KIAA1958: variants seen among roughly 807,000 people sequenced by gnomAD.
KIAA1958 encodes KIAA1958.
Under a neutral mutation model 47.2 loss-of-function variants are expected in KIAA1958, and 14 were observed. The observed-to-expected ratio is 0.30, with a 90% CI of 0.20 to 0.46. KIAA1958 has a LOEUF of 0.46. KIAA1958 is among the 20% of genes least tolerant of loss of function. The pLI, the probability that KIAA1958 is intolerant of heterozygous loss-of-function variation, is 1.00. For synonymous variants in KIAA1958, 354 were observed against 353.3 expected (o/e 1.00, Z -0.02); for missense variants, 803 against 909.2 (o/e 0.88, Z 1.50).
At chr9:112,631,698 TAAG>T (rs1836713680) in intron 2 of KIAA1958, among the ~76,000 whole-genome samples, 2 of 152,200 alleles carry the variant, frequency 1.3e-5, no homozygotes, top group African/African-American at 2.4e-5. Flanking sequence ...TACCTATAGA[TAAG>T]AACGTTTAAC....
At chr9:112,547,301 C>G (rs1479518080) in intron 1 of KIAA1958, among the ~76,000 whole-genome samples, 7 of 147,922 alleles carry the variant, frequency 4.7e-5, no homozygotes, top group African/African-American at 1.8e-4. Context: ...TCACTTGAAT[C>G]CAAGAGATGG....
At chr9:112,541,717 A>AT (rs1199051153) in intron 1 of KIAA1958, among the ~76,000 whole-genome samples, 8 of 152,088 alleles carry the variant, frequency 5.3e-5, no homozygotes, top group Non-Finnish European at 4.4e-5. Flanking sequence ...TGAGGATTCA[A>AT]TTGCTTGAAC....
intron 1 of KIAA1958, among the ~76,000 whole-genome samples, chr9:112,545,962 C>G (rs1835024944): frequency 1.3e-5 from 2 of 150,240 alleles, no homozygotes; most frequent in African/African-American, 2.5e-5. Flanking sequence ...CTCTCCTGAT[C>G]TTAAGGCATT....
At chr9:112,604,175 T>C (rs78809989) in intron 2 of KIAA1958, among the ~76,000 whole-genome samples, 186 of 152,284 alleles carry the variant, frequency 1.2e-3, no homozygotes, top group Middle Eastern at 6.8e-3. Context: ...ACTGCACTAA[T>C]TATGTGTTTT....
At chr9:112,493,048 G>T (rs1256718320) in intron 1 of KIAA1958, among the ~76,000 whole-genome samples, 1 of 151,212 alleles carries the variant, frequency 6.6e-6, no homozygotes, top group Non-Finnish European at 1.5e-5. Context: ...CACTGTGCCT[G>T]GCCAAAATTC....
At chr9:112,503,143 G>T (rs952022158) in intron 1 of KIAA1958, among the ~76,000 whole-genome samples, 4 of 152,164 alleles carry the variant, frequency 2.6e-5, no homozygotes, top group Non-Finnish European at 5.9e-5. Context: ...AAAAAAGCAG[G>T]AAAGGGGGAT....
intron 2 of KIAA1958, among the ~76,000 whole-genome samples, chr9:112,581,246 A>G (rs1835729148): frequency 6.6e-6 from 1 of 152,170 alleles, no homozygotes; most frequent in South Asian, 2.1e-4. Flanking sequence ...CAAATGCAAA[A>G]ATATAGGTAA....
intron 3 of KIAA1958, among the ~76,000 whole-genome samples, chr9:112,649,155 A>T (rs1005997112): frequency 6.6e-6 from 1 of 152,094 alleles, no homozygotes; most frequent in African/African-American, 2.4e-5. Flanking sequence ...ACCGAAAGAA[A>T]AGAGAATTTT....
chr9:112,611,796 T>G (rs930056414), intron 2 of KIAA1958, among the ~76,000 whole-genome samples: 1 of 151,880 alleles, frequency 6.6e-6, no homozygotes, highest in Non-Finnish European at 1.5e-5. Context: ...AATAATAGAG[T>G]AAGGAGGGGA....
Position 112,659,990 on chromosome 9 carries a change from T to G in KIAA1958, c.2072T>G (p.Leu691Arg). The G allele has an allele frequency of 1.9e-6, 3 of 1,614,234 alleles. No individual in the cohort carries two copies. The highest frequency in any genetic ancestry group is 2.5e-6 in the Non-Finnish European group (3 of 1,180,044). ...CCAAACTTAGCCAAGAAGGTCAAGCTGGAAAACTGTGAGAACTTCACCTTT... is the reference window on the plus strand; with the variant it reads ...CCAAACTTAGCCAAGAAGGTCAAGCGGGAAAACTGTGAGAACTTCACCTTT... The part of the protein sequence containing the change: ...IVPNLAKKVK[L>R]ENCENFTFVS... Residue 691 changes from leucine to arginine, a missense_variant, in exon 4 of 4, where the codon CTG becomes CGG. Physicochemically the swap from Leu to Arg is moderately radical, Grantham distance 102 (BLOSUM62 -2). Transcript: ENST00000337530.
At chr9:112,522,626 A>G (rs1352250877) in intron 1 of KIAA1958, among the ~76,000 whole-genome samples, 1 of 152,116 alleles carries the variant, frequency 6.6e-6, no homozygotes, top group African/African-American at 2.4e-5. Flanking sequence ...GCTTGCTTTG[A>G]CCTTGGGTCC....
chr9:112,550,037 T>A (rs1214412057), intron 1 of KIAA1958, among the ~76,000 whole-genome samples: 1 of 152,216 alleles, frequency 6.6e-6, no homozygotes, highest in Non-Finnish European at 1.5e-5. Flanking sequence ...TTTGGCTAAC[T>A]GGACTGAGTT....
At chr9:112,557,697 A>T (rs1446178511) in intron 1 of KIAA1958, among the ~76,000 whole-genome samples, 1 of 152,204 alleles carries the variant, frequency 6.6e-6, no homozygotes, top group Non-Finnish European at 1.5e-5. Context: ...AGAAACTGAG[A>T]AGTAGCTGTA....
chr9:112,542,363 C>G (rs541994538), intron 1 of KIAA1958, among the ~76,000 whole-genome samples: 61 of 151,818 alleles, frequency 4.0e-4, no homozygotes, highest in Non-Finnish European at 6.8e-4. Flanking sequence ...AAAAAGTTTT[C>G]CCAATAGGGT....
rs544482454 is a variant in KIAA1958, at chr9:112,649,586, A to G, written c.1344+3764A>G. On this transcript the variant is annotated intron_variant, in intron 3 of 3. Coordinates refer to ENST00000337530, the MANE Select transcript of KIAA1958 (RefSeq NM_133465.4). Reference sequence around the variant, plus strand: ...GGAGGAAGTAACCAAATTACTTAAAACCAATGATAAAGAGAAAAAAGCAGC... The same window carrying G: ...GGAGGAAGTAACCAAATTACTTAAAGCCAATGATAAAGAGAAAAAAGCAGC... 1.8e-4 allele frequency among the ~76,000 whole-genome samples: 27 copies of G among 152,276 alleles called. 1 individual carries two copies. The South Asian group carries it at 5.0e-3, about 28-fold the overall frequency.
chr9:112,504,952 A>G (rs1229687050), intron 1 of KIAA1958, among the ~76,000 whole-genome samples: 2 of 152,120 alleles, frequency 1.3e-5, no homozygotes, highest in Non-Finnish European at 1.5e-5. Flanking sequence ...GAAGATAGTC[A>G]CCCTACTCTG....
intron 1 of KIAA1958, among the ~76,000 whole-genome samples, chr9:112,527,708 G>A (rs977306777): frequency 6.6e-6 from 1 of 152,034 alleles, no homozygotes; most frequent in Admixed American, 6.5e-5. Flanking sequence ...AGACTGAGGC[G>A]GGCAGATCTC....
chr9:112,506,583 TGGG>T (rs2132772353), intron 1 of KIAA1958, among the ~76,000 whole-genome samples: 1 of 152,308 alleles, frequency 6.6e-6, no homozygotes, highest in Admixed American at 6.5e-5. Context: ...CCTGGGTACT[TGGG>T]GGTTGCACAA....
At chr9:112,646,943 G>A (rs1467021786) in intron 3 of KIAA1958, among the ~76,000 whole-genome samples, 1 of 152,210 alleles carries the variant, frequency 6.6e-6, no homozygotes, top group African/African-American at 2.4e-5. Flanking sequence ...TTAAAACATG[G>A]TGGAACTGTT....
Sources: allele counts gnomAD v4.1 joint callset (sites outside exome capture counted in the v4.1 genomes callset), GRCh38; gene constraint gnomAD v4.1.1; transcripts MANE v1.5; gene names NCBI Gene and HGNC (gene_info 2026-07-23, HGNC 2026-07-21).